The following SPNS1 variants were observed in gnomAD, a reference collection of about 807,000 sequenced individuals.
SPNS1 encodes SPNS lysolipid transporter 1, lysophospholipid.
Under a neutral mutation model 50.3 loss-of-function variants are expected in SPNS1, and 22 were observed. The observed-to-expected ratio is 0.44, with a 90% confidence interval of 0.31 to 0.62. SPNS1 has a LOEUF of 0.62. Among genes scored for constraint, SPNS1 ranks in the 20% least tolerant of loss-of-function variants. The pLI is 0.07. For missense variants in SPNS1, 576 were observed against 728.6 expected, an observed-to-expected ratio of 0.79 and a Z score of 2.41; for synonymous variants, 295 against 317.4, an observed-to-expected ratio of 0.93 and a Z score of 0.75.
chr16:28,975,673 G>A, intron 2 of SPNS1, 116 bp downstream of exon 2: 1 of 1,152,648 alleles, frequency 8.7e-7, no homozygotes, highest in East Asian at 2.5e-5. Flanking sequence ...GCCAGTTAGG[G>A]GAGGTGATGG....
Position 28,984,256 on chromosome 16 carries a change from G to A in SPNS1, c.1544G>A (p.Arg515Gln), listed in dbSNP as rs541818150. The A allele has an allele frequency of 1.5e-5, 24 of 1,611,562 alleles. No individual in the cohort carries two copies. The South Asian group carries it at 1.9e-4, about 13-fold the overall frequency. Residue 515 changes from arginine to glutamine, a missense_variant, in exon 12 of 12, where the codon CGG becomes CAG. Coordinates refer to ENST00000311008, the MANE Select transcript of SPNS1 (RefSeq NM_032038.3). The part of the protein sequence containing the change: ...STDDRIVVPQ[R>Q]GRSTRVPVAS... ...GACGACCGGATTGTGGTGCCCCAGCGGGGCCGCTCCACCCGCGTGCCCGTG... is the reference window on the plus strand; with the variant it reads ...GACGACCGGATTGTGGTGCCCCAGCAGGGCCGCTCCACCCGCGTGCCCGTG...
Position 28,983,475 on chromosome 16 carries a change from T to G in SPNS1, c.1320+185T>G, listed in dbSNP as rs1011024768. Among the ~76,000 whole-genome samples, 11 of 152,210 alleles carry G rather than the reference T, an allele frequency of 7.2e-5. No homozygotes were observed. The highest frequency in any genetic ancestry group is 2.7e-4 in the African/African-American group (11 of 41,448). On this transcript the variant is annotated intron_variant, in intron 10 of 11. Transcript: ENST00000311008. The surrounding 1 kb of genome is among the most constrained non-coding windows in gnomAD (Gnocchi z 5.4). ...ACCAGTAAGGCCAGGGACCTCACCC[T>G]GGTGGTCCAAACTCCTCCTTTCTTT...
In SPNS1 at chr16:28,982,008, G is replaced by T. The variant is rs991091525; in HGVS notation, c.917G>T (p.Gly306Val). The change falls in exon 7 of 12, where the codon GGG (glycine) becomes GTG (valine). Residue 306 changes from glycine to valine, a missense_variant. Gly to Val is a moderately radical substitution (Grantham distance 109, BLOSUM62 -3). Transcript: ENST00000311008. ...AFLLRSRVVL[G>V]ETPPCLPGDS... is the part of the protein sequence containing the mutation. Reference sequence around the variant, plus strand: ...CTGCTGCGTTCCCGCGTGGTCCTTGGGGAGACCCCACCCTGCCTTCCCGGA... The same window carrying T: ...CTGCTGCGTTCCCGCGTGGTCCTTGTGGAGACCCCACCCTGCCTTCCCGGA... The T allele has an allele frequency of 3.7e-6, 6 of 1,614,068 alleles. No homozygotes were observed. The highest frequency in any genetic ancestry group is 2.5e-6 in the Non-Finnish European group (3 of 1,180,050).
At position 28,974,997 on chromosome 16, in the gene SPNS1, T is replaced by C; in HGVS notation, c.-155T>C. 6.9e-7 allele frequency: 1 copy of C among 1,453,166 alleles called. No homozygotes were observed. The highest frequency in any genetic ancestry group is 1.8e-4 in the Middle Eastern group (1 of 5,412). 90.0% of individuals were successfully genotyped at this position (1,453,166 alleles called of 1,614,324 possible). On this transcript the variant is annotated 5_prime_UTR_variant, in exon 1 of 12. Transcript: ENST00000311008. ...GAGGCGTGACAGGGCCCGGGTCCCT[T>C]CTCAGTGGTGCTCTGTGCTTCAGGG...
At chr16:28,979,073 G>C (rs1025305866) in intron 3 of SPNS1, 82 bp from the exon 4 acceptor site, 6 of 1,536,252 alleles carry the variant, frequency 3.9e-6, no homozygotes, top group Non-Finnish European at 5.3e-6. Context: ...CATCCCTGCT[G>C]CCTCTTGGGA....
At chr16:28,977,809 G>C in intron 2 of SPNS1, 99 bp from the exon 3 acceptor site, 1 of 1,482,526 alleles carries the variant, frequency 6.7e-7, no homozygotes, top group Non-Finnish European at 9.2e-7. Flanking sequence ...ATTCTGTAAG[G>C]AGAAGGCAGG....
Position 28,983,362 on chromosome 16 carries a change from C to A in SPNS1, c.1320+72C>A. The A allele has an allele frequency of 1.6e-6, 2 of 1,221,396 alleles. No homozygotes were observed. Among genetic ancestry groups the A allele is most frequent in the Non-Finnish European group, 2.4e-6 (2 of 824,234 alleles). 75.7% of individuals were successfully genotyped at this position (1,221,396 alleles called of 1,614,324 possible). ...CTGGGCTGGATCAGAAGGCCTGGCC[C>A]TAGTGAAGTGTCTGTGTCCTGCGTG... On this transcript the variant is annotated intron_variant, in intron 10 of 11. Transcript: ENST00000311008. The surrounding 1 kb of genome is among the most constrained non-coding windows in gnomAD (Gnocchi z 5.4).
intron 5 of SPNS1, chr16:28,980,190 T>A (rs1382542760): frequency 6.6e-6 from 1 of 151,894 alleles, no homozygotes; most frequent in Non-Finnish European, 1.5e-5. Context: ...CCAGGCATGG[T>A]GACGCATGCC....
chr16:28,976,395 T>G lies in SPNS1; in HGVS notation c.307+838T>G, dbSNP rs558749032. Among the ~76,000 whole-genome samples the G allele has an allele frequency of 2.0e-5, 3 of 152,290 alleles. No homozygotes were observed. In the East Asian group the frequency reaches 5.8e-4, roughly 29 times the overall value. Reference sequence around the variant, plus strand: ...CTAGAGCCAAGCCCTTTTTCTTCCTTCCATCCTTCATTCATTTCTCAACCA... The same window carrying G: ...CTAGAGCCAAGCCCTTTTTCTTCCTGCCATCCTTCATTCATTTCTCAACCA... On this transcript the variant is annotated intron_variant, in intron 2 of 11. Coordinates refer to ENST00000311008, the MANE Select transcript of SPNS1 (RefSeq NM_032038.3).
Position 28,975,244 on chromosome 16 carries a change from G to T in SPNS1, c.93G>T (p.Thr31=). 1 of 1,539,016 alleles carries T rather than the reference G, an allele frequency of 6.5e-7. No homozygotes were observed. ...GCACCCCGGGGTTGCCAGGGTCCAC[G>T]GGGAACCCGAAGTCCGAGGAGCCCG... ...VPGTPGLPGS[T]GNPKSEEPEV... is the part of the protein sequence containing the mutation. The change falls in exon 1 of 12, where the codon ACG becomes ACT. Residue 31 remains threonine (T), a synonymous_variant. Transcript: ENST00000311008.
rs1596753622 is a variant in SPNS1, at chr16:28,981,596, C to G, written c.790C>G (p.Leu264Val). 6.2e-7 allele frequency: 1 copy of G among 1,614,128 alleles called. No individual in the cohort carries two copies. Among genetic ancestry groups the G allele is most frequent in the Non-Finnish European group, 8.5e-7 (1 of 1,180,010 alleles). ...GAACCCCACCTCGTGGTGGGCAGAT[C>G]TGAGGGCTCTGGCAAGAAAGTGAGT... Reference protein sequence around the residue: ...PLNPTSWWADLRALARNPSFV... With the variant: ...PLNPTSWWADVRALARNPSFV... The change falls in exon 6 of 12, where the codon CTG (leucine) becomes GTG (valine). Residue 264 changes from leucine to valine, a missense_variant. Physicochemically the swap from Leu to Val is conservative, Grantham distance 32. This residue lies in a region of SPNS1 where 428 missense variants were observed against 520.1 expected (regional missense o/e 0.82). Coordinates refer to ENST00000311008, the MANE Select transcript of SPNS1 (RefSeq NM_032038.3). This position sits in a 1 kb window ranked among gnomAD's most constrained non-coding sequence, Gnocchi z 4.2.
chr16:28,975,818 TAG>T (rs1965322291), intron 2 of SPNS1, among the ~76,000 whole-genome samples: 1 of 152,218 alleles, frequency 6.6e-6, no homozygotes, highest in South Asian at 2.1e-4. Flanking sequence ...TGTGTGATGG[TAG>T]GCAAGGCACT....
intron 7 of SPNS1, 27 bp from the exon 8 acceptor site, chr16:28,982,328 AC>A (rs11301233): frequency 0.4 from 611,823 of 1,538,582 alleles, 127,437 homozygotes; most frequent in African/African-American, 0.73. Context: ...ACAGGGACAA[AC>A]CCCCCATTCC....
At chr16:28,977,488 G>T (rs1272144772) in intron 2 of SPNS1, among the ~76,000 whole-genome samples, 1 of 152,112 alleles carries the variant, frequency 6.6e-6, no homozygotes, top group South Asian at 2.1e-4. Flanking sequence ...CTTGATAGAG[G>T]AGGCAGTAGG....
At position 28,981,149 on chromosome 16, in the gene SPNS1, G is replaced by T. The variant is rs1285500691; in HGVS notation, c.664-321G>T. Among the ~76,000 whole-genome samples the T allele has an allele frequency of 6.6e-6, 1 of 152,164 alleles. No homozygotes were observed. Among genetic ancestry groups the T allele is most frequent in the Non-Finnish European group, 1.5e-5 (1 of 68,036 alleles). ...GCATCACGTGCCCTCTGCGGAATCC[G>T]TCACCGAGGCTGGGGTGGTTAACAG... On this transcript the variant is annotated intron_variant, in intron 5 of 11. Transcript: ENST00000311008. The surrounding 1 kb of genome is among the most constrained non-coding windows in gnomAD (Gnocchi z 4.2).
At position 28,982,810 on chromosome 16, in the gene SPNS1, T is replaced by A. The variant is rs370216778; in HGVS notation, c.1156-47T>A. The A allele has an allele frequency of 1.4e-5, 23 of 1,598,116 alleles. 1 individual carries two copies. Among genetic ancestry groups the A allele is most frequent in the Admixed American group, 1.2e-4 (7 of 59,816 alleles). On this transcript the variant is annotated intron_variant, in intron 8 of 11. Transcript: ENST00000311008. Reference sequence around the variant, plus strand: ...AGCTGGGAACATGGTCAACTTTCCATGTGTTAGCCCTTACTGTCATGAACC... The same window carrying A: ...AGCTGGGAACATGGTCAACTTTCCAAGTGTTAGCCCTTACTGTCATGAACC...
In SPNS1 at chr16:28,975,121, G is replaced by C. The variant is rs540492806; in HGVS notation, c.-31G>C. ...CGCAGGTGGGATCGTCGGTGGGACC[G>C]GAGCGCGGGCGGGCGCGGCCCCCCG... On this transcript the variant is annotated 5_prime_UTR_variant, in exon 1 of 12. Coordinates refer to ENST00000311008, the MANE Select transcript of SPNS1 (RefSeq NM_032038.3). The C allele has an allele frequency of 4.1e-6, 6 of 1,466,266 alleles. No homozygotes were observed. The Admixed American group carries it at 1.3e-4, about 31-fold the overall frequency. The allele number at this position is 1,466,266 out of a possible 1,614,324, so 90.8% of individuals were successfully genotyped here. A position where few individuals can be genotyped will look rare whatever the true frequency, so the allele number is the denominator to read the frequency against.
downstream of SPNS1, chr16:28,984,746 TG>T: frequency 1.1e-6 from 1 of 945,456 alleles, no homozygotes; most frequent in Non-Finnish European, 1.6e-6. Context: ...CCTGCTTCCC[TG>T]GAGCCTGTCC....
At chr16:28,977,461 G>C (rs1965385397) in intron 2 of SPNS1, among the ~76,000 whole-genome samples, 1 of 152,186 alleles carries the variant, frequency 6.6e-6, no homozygotes, top group Non-Finnish European at 1.5e-5. Context: ...AGTTTCAGGG[G>C]GAGAGGAGAG....
Sources: gnomAD v4.1 joint callset for allele counts (sites outside exome capture counted in the v4.1 genomes callset) on GRCh38, gnomAD v4.1.1 for gene constraint, gnomAD v4.1.1 regional missense constraint, Gnocchi (gnomAD v3.1) non-coding constraint, MANE v1.5 for transcripts, NCBI Gene and HGNC (gene_info 2026-07-23, HGNC 2026-07-21) for gene names.